The following CDK19 variants were observed in gnomAD, a reference collection of about 807,000 sequenced individuals.
CDK19 encodes the protein cyclin dependent kinase 19.
CDK19 carries 20 observed loss-of-function variants against 68.3 expected under a neutral mutation model. The ratio of observed to expected loss-of-function variants is 0.29; its 90% CI spans 0.21 to 0.43. The LOEUF (loss-of-function observed/expected upper bound fraction) is 0.43, where lower values mean the gene tolerates loss of function less well. Ranked by LOEUF, CDK19 falls within the 20% of genes least tolerant of loss-of-function variation. The probability of loss-of-function intolerance (pLI) is 1.00; values close to 1 mark genes in which losing one functional copy is unlikely to be tolerated. For missense variants in CDK19, 339 were observed against 623.5 expected (o/e 0.54, Z 4.86); for synonymous variants, 221 against 222.8 (o/e 0.99, Z 0.07).
intron 1 of CDK19, among the ~76,000 whole-genome samples, chr6:110,774,656 A>T (rs1562277936): frequency 6.6e-6 from 1 of 152,278 alleles, no homozygotes; most frequent in Non-Finnish European, 1.5e-5. Flanking sequence ...AAAGAATATA[A>T]AACAAATTAA....
intron 2 of CDK19, chr6:110,700,437 G>C (rs888808992): frequency 6.6e-6 from 1 of 151,094 alleles, no homozygotes; most frequent in Admixed American, 6.6e-5. Context: ...ATAAAATTCA[G>C]CTTTTTTTTT....
chr6:110,768,027 G>A (rs1347882327), intron 1 of CDK19, among the ~76,000 whole-genome samples: 2 of 152,048 alleles, frequency 1.3e-5, no homozygotes, highest in Non-Finnish European at 2.9e-5. Context: ...CTTGAGAGGA[G>A]CTCTGAAAAG....
intron 4 of CDK19, among the ~76,000 whole-genome samples, chr6:110,664,064 A>G (rs968848782): frequency 1.3e-5 from 2 of 152,200 alleles, no homozygotes; most frequent in Non-Finnish European, 2.9e-5. Flanking sequence ...ACAAACAAAA[A>G]GACCCCAAAA....
At chr6:110,815,744 G>A (rs1425331290), upstream of CDK19, 1 of 152,524 alleles carries the variant, frequency 6.6e-6, no homozygotes, top group Admixed American at 6.5e-5. Context: ...TTACTCTAGT[G>A]GGAAGGGGAT....
At chr6:110,627,918 G>A (rs1779191607) in intron 6 of CDK19, among the ~76,000 whole-genome samples, 1 of 152,178 alleles carries the variant, frequency 6.6e-6, no homozygotes, top group African/African-American at 2.4e-5. Flanking sequence ...CCATATAAAA[G>A]AATTGGGGAG....
At chr6:110,642,835 A>C (rs544009013) in intron 4 of CDK19, among the ~76,000 whole-genome samples, 1 of 151,772 alleles carries the variant, frequency 6.6e-6, no homozygotes, top group East Asian at 1.9e-4. Flanking sequence ...AGTAGAGGAG[A>C]AGGGAGAAGG....
chr6:110,774,329 C>T (rs1015451308), intron 1 of CDK19, among the ~76,000 whole-genome samples: 2 of 152,108 alleles, frequency 1.3e-5, no homozygotes, highest in Admixed American at 1.3e-4. Context: ...GTTCCAAGAC[C>T]CCCAGTAGCT....
intron 4 of CDK19, chr6:110,646,410 G>T: frequency 6.7e-7 from 1 of 1,488,066 alleles, no homozygotes; most frequent in Non-Finnish European, 8.9e-7. Flanking sequence ...CTGGCGGGCG[G>T]CGACATGGCC....
intron 2 of CDK19, among the ~76,000 whole-genome samples, chr6:110,677,215 C>T (rs1771603105): frequency 1.3e-5 from 2 of 152,126 alleles, no homozygotes; most frequent in African/African-American, 4.8e-5. Flanking sequence ...TCTAAGGAAT[C>T]AAAGCAAGAG....
At chr6:110,746,235 A>G (rs530958156) in intron 1 of CDK19, 34 bp from the exon 2 acceptor site, 4 of 1,317,940 alleles carry the variant, frequency 3.0e-6, no homozygotes, top group African/African-American at 3.0e-5. Context: ...ATTTTTCCAT[A>G]TATCACTTTC....
intron 1 of CDK19, among the ~76,000 whole-genome samples, chr6:110,809,212 CA>C (rs1274348322): frequency 0.03 from 3,050 of 102,190 alleles, 96 homozygotes; most frequent in African/African-American, 0.095. Flanking sequence ...GACTCCATCT[CA>C]AAAAAAAAAA....
intron 2 of CDK19, among the ~76,000 whole-genome samples, chr6:110,694,915 G>A (rs373185785): frequency 2.0e-5 from 3 of 152,292 alleles, no homozygotes; most frequent in South Asian, 2.1e-4. Context: ...TGAAGAGTTC[G>A]AGACTAGCCT....
At chr6:110,753,562 T>C (rs924391200) in intron 1 of CDK19, among the ~76,000 whole-genome samples, 3 of 151,236 alleles carry the variant, frequency 2.0e-5, no homozygotes, top group African/African-American at 7.3e-5. Flanking sequence ...TTTTTTTTTT[T>C]TCCTGTAGCG....
At chr6:110,715,315 A>G (rs1775285777) in intron 2 of CDK19, among the ~76,000 whole-genome samples, 1 of 152,238 alleles carries the variant, frequency 6.6e-6, no homozygotes, top group Non-Finnish European at 1.5e-5. Flanking sequence ...ATAGACTAAT[A>G]GGGTCAAAAA....
intron 1 of CDK19, among the ~76,000 whole-genome samples, chr6:110,798,467 T>C (rs940529976): frequency 6.6e-6 from 1 of 150,938 alleles, no homozygotes; most frequent in Non-Finnish European, 1.5e-5. Context: ...TCTACTTAAA[T>C]ACAAAAATTA....
intron 12 of CDK19, among the ~76,000 whole-genome samples, chr6:110,616,212 G>T (rs947726341): frequency 6.6e-6 from 1 of 152,102 alleles, no homozygotes; most frequent in Non-Finnish European, 1.5e-5. Flanking sequence ...CCTGTCGGGC[G>T]GTTACACTTT....
At chr6:110,785,781 G>A (rs955151705) in intron 1 of CDK19, among the ~76,000 whole-genome samples, 1 of 152,054 alleles carries the variant, frequency 6.6e-6, no homozygotes, top group Admixed American at 6.6e-5. Flanking sequence ...GGGAGTTGGC[G>A]ACCAGCCTGA....
intron 4 of CDK19, chr6:110,643,275 G>T: frequency 2.0e-6 from 2 of 1,021,836 alleles, no homozygotes; most frequent in South Asian, 1.3e-5. Flanking sequence ...CAAAATCCAT[G>T]CTATTTAAAA....
chr6:110,755,027 T>C (rs1778741202), intron 1 of CDK19, among the ~76,000 whole-genome samples: 1 of 151,156 alleles, frequency 6.6e-6, no homozygotes. Flanking sequence ...AGCTGATCCC[T>C]TCCCTTGTGA....
Sources: gnomAD v4.1 joint callset for allele counts (sites outside exome capture counted in the v4.1 genomes callset) on GRCh38, gnomAD v4.1.1 for gene constraint, MANE v1.5 for transcripts, NCBI Gene and HGNC (gene_info 2026-07-23, HGNC 2026-07-21) for gene names.